Variants in SPATA18 observed in about 807,000 individuals in gnomAD.
The protein encoded by SPATA18 is spermatogenesis associated 18.
Under a neutral mutation model 68.1 loss-of-function variants are expected in SPATA18, and 54 were observed. The ratio of observed to expected loss-of-function variants is 0.79; its 90% CI spans 0.64 to 0.99. SPATA18 has a LOEUF of 0.99. Among genes scored for constraint, SPATA18 ranks in the 50% least tolerant of loss-of-function variants. SPATA18 has a pLI of 0.00. For missense variants in SPATA18, 724 were observed against 681.1 expected (o/e 1.06, Z -0.70); for synonymous variants, 242 against 244.8 (o/e 0.99, Z 0.11).
intron 1 of SPATA18, among the ~76,000 whole-genome samples, chr4:52,058,868 C>T (rs189290857): frequency 6.6e-5 from 10 of 152,330 alleles, no homozygotes; most frequent in Admixed American, 5.9e-4. Context: ...CTTAACCTCT[C>T]TGTGCCTCAG....
chr4:52,063,007 T>A (rs746688920), intron 4 of SPATA18, among the ~76,000 whole-genome samples: 11 of 152,198 alleles, frequency 7.2e-5, no homozygotes, highest in Non-Finnish European at 1.3e-4. Context: ...AAATTGTATG[T>A]GGACTTTGGG....
intron 4 of SPATA18, among the ~76,000 whole-genome samples, chr4:52,065,439 C>A (rs1578160328): frequency 6.6e-6 from 1 of 152,194 alleles, no homozygotes; most frequent in South Asian, 2.1e-4. Flanking sequence ...AGATATAAGT[C>A]TTTGATCCAT....
At position 52,094,923 on chromosome 4, in the gene SPATA18, A is replaced by G; in HGVS notation, c.*36A>G. The G allele has an allele frequency of 1.9e-6, 3 of 1,613,920 alleles. No homozygotes were observed. The highest frequency in any genetic ancestry group is 2.5e-6 in the Non-Finnish European group (3 of 1,179,820). ...CCTGCTCCTTTGACCCAGTGCGTGG[A>G]AACAGCTGCTTTCTCCAGTGCCGCC... On this transcript the variant is annotated 3_prime_UTR_variant, in exon 13 of 13. Transcript: ENST00000295213.
chr4:52,058,236 C>G (rs1738520272), intron 1 of SPATA18, among the ~76,000 whole-genome samples: 1 of 152,134 alleles, frequency 6.6e-6, no homozygotes, highest in Admixed American at 6.5e-5. Flanking sequence ...TGCTAGGATA[C>G]TAGTGGCAAT....
intron 11 of SPATA18, among the ~76,000 whole-genome samples, chr4:52,089,877 G>T (rs1171574914): frequency 6.6e-6 from 1 of 152,182 alleles, no homozygotes; most frequent in Non-Finnish European, 1.5e-5. Context: ...AATATTGACA[G>T]TGGGGTGTTA....
At chr4:52,086,110 G>A (rs1209434341) in intron 11 of SPATA18, among the ~76,000 whole-genome samples, 4 of 152,122 alleles carry the variant, frequency 2.6e-5, no homozygotes, top group African/African-American at 9.7e-5. Context: ...TAGAGAGAGT[G>A]GTAGAGAAGG....
chr4:52,095,831 G>A lies in SPATA18; in HGVS notation c.*944G>A, dbSNP rs1742372621. 6.6e-6 allele frequency: 1 copy of A among 152,128 alleles called. No individual in the cohort carries two copies. Among genetic ancestry groups the A allele is most frequent in the Admixed American group, 6.6e-5 (1 of 15,256 alleles). 9.4% of individuals were successfully genotyped at this position (152,128 alleles called of 1,614,324 possible). A position where few individuals can be genotyped will look rare whatever the true frequency, so the allele number is the denominator to read the frequency against. On this transcript the variant is annotated 3_prime_UTR_variant, in exon 13 of 13. Transcript: ENST00000295213. ...GGGCACCATTTACTGATTTTAAATT[G>A]AGTATATATCCCTTGACTTCTTCAC... is the stretch of plus-strand genomic sequence containing the variant.
At chr4:52,093,780 GC>G (rs1360619174) in intron 11 of SPATA18, among the ~76,000 whole-genome samples, 1 of 152,100 alleles carries the variant, frequency 6.6e-6, no homozygotes, top group Non-Finnish European at 1.5e-5. Flanking sequence ...CTCATGTTGT[GC>G]TCAGAAAGAA....
At chr4:52,062,932 AAC>A (rs1739003905) in intron 4 of SPATA18, among the ~76,000 whole-genome samples, 2 of 152,228 alleles carry the variant, frequency 1.3e-5, no homozygotes, top group African/African-American at 4.8e-5. Context: ...TCCAGGCAAC[AAC>A]ACATATCAGA....
chr4:52,078,761 A>G lies in SPATA18; in HGVS notation c.1047A>G (p.Ala349=), dbSNP rs1740636325. ...AGGCATTCCATGTAGCAAAAATGGC[A>G]TTCAGACACTTCAAGATCCATGTGA... ...TVEAFHVAKM[A]FRHFKIHVRK... is the part of the protein sequence containing the mutation. Residue 349 remains alanine, a synonymous_variant, in exon 8 of 13, where the codon GCA becomes GCG. Transcript: ENST00000295213. 1 of 1,591,460 alleles carries G rather than the reference A, an allele frequency of 6.3e-7. No individual in the cohort carries two copies. The highest frequency in any genetic ancestry group is 8.6e-7 in the Non-Finnish European group (1 of 1,162,054).
At chr4:52,078,055 C>G (rs1483810587) in intron 7 of SPATA18, among the ~76,000 whole-genome samples, 2 of 151,238 alleles carry the variant, frequency 1.3e-5, no homozygotes, top group Non-Finnish European at 2.9e-5. Flanking sequence ...AAGAGAAATA[C>G]TACTGTCTGA....
chr4:52,066,968 G>T (rs1470690714), intron 4 of SPATA18, among the ~76,000 whole-genome samples: 1 of 152,104 alleles, frequency 6.6e-6, no homozygotes, highest in East Asian at 1.9e-4. Flanking sequence ...AAACATACAT[G>T]TGCATGTATC....
rs951682782 is a variant in SPATA18, at chr4:52,076,651, C to T, written c.759-128C>T. ...GAGTCAGATAATAGGGAAGTCTAAT[C>T]ACTTCTGAATTCCTCAGATAAGGAG... On this transcript the variant is annotated intron_variant, in intron 6 of 12. Transcript: ENST00000295213. 4.0e-6 allele frequency: 5 copies of T among 1,238,836 alleles called. No individual in the cohort carries two copies. In the African/African-American group the frequency reaches 6.0e-5, roughly 15 times the overall value. 76.7% of individuals were successfully genotyped at this position (1,238,836 alleles called of 1,614,324 possible).
rs753163237 is a variant in SPATA18 at position 52,072,108 on chromosome 4, A to G, written c.710A>G (p.Lys237Arg). 1.2e-6 allele frequency: 2 copies of G among 1,614,100 alleles called. No homozygotes were observed. The highest frequency in any genetic ancestry group is 1.7e-5 in the Admixed American group (1 of 60,020). Residue 237 changes from lysine to arginine, a missense_variant, in exon 6 of 13, where the codon AAG becomes AGG. Physicochemically the swap from Lys to Arg is conservative, Grantham distance 26. Coordinates refer to ENST00000295213, the MANE Select transcript of SPATA18 (RefSeq NM_145263.4). ...TATAAGAAACAGCTCCGAAACCTGA[A>G]GGAGGAGATAGCTGTTCTGTCTGCT... ...SDYKKQLRNLKEEIAVLSAEK... is the reference protein window; with the variant it reads ...SDYKKQLRNLREEIAVLSAEK...
Position 52,051,425 on chromosome 4 carries a change from C to A in SPATA18, c.-280C>A. On this transcript the variant is annotated 5_prime_UTR_variant, in exon 1 of 13. Transcript: ENST00000295213. Reference sequence around the variant, plus strand: ...ACGTCAAGGTTTGTTTAATAATCGCCAGGGTATCTATGGCCGGGCTCAGGC... The same window carrying A: ...ACGTCAAGGTTTGTTTAATAATCGCAAGGGTATCTATGGCCGGGCTCAGGC... 1 of 459,946 alleles carries A rather than the reference C, an allele frequency of 2.2e-6. No homozygotes were observed. Among genetic ancestry groups the A allele is most frequent in the Non-Finnish European group, 3.9e-6 (1 of 257,190 alleles). 28.5% of individuals were successfully genotyped at this position (459,946 alleles called of 1,614,324 possible).
chr4:52,088,178 C>T (rs571584447), intron 11 of SPATA18, among the ~76,000 whole-genome samples: 5 of 152,222 alleles, frequency 3.3e-5, no homozygotes, highest in African/African-American at 7.2e-5. Flanking sequence ...TGGGCTGAGA[C>T]GATGCGGTTT....
intron 11 of SPATA18, among the ~76,000 whole-genome samples, chr4:52,090,224 C>T (rs937281840): frequency 2.0e-5 from 3 of 152,246 alleles, no homozygotes; most frequent in African/African-American, 7.2e-5. Context: ...TGGGTCTTGA[C>T]TCTTTATCCA....
intron 4 of SPATA18, among the ~76,000 whole-genome samples, chr4:52,067,077 C>T (rs1401802642): frequency 6.6e-6 from 1 of 152,196 alleles, no homozygotes; most frequent in East Asian, 1.9e-4. Context: ...AATCACCACA[C>T]TGTGTTTCAC....
chr4:52,082,659 G>T (rs775275915), intron 10 of SPATA18, 149 bp downstream of exon 10: 32 of 1,522,030 alleles, frequency 2.1e-5, no homozygotes, highest in Middle Eastern at 1.8e-4. Flanking sequence ...ATCTCAAGAA[G>T]AACTGATTCT....
Sources: allele counts gnomAD v4.1 joint callset (sites outside exome capture counted in the v4.1 genomes callset), GRCh38; gene constraint gnomAD v4.1.1; transcripts MANE v1.5; gene names NCBI Gene and HGNC (gene_info 2026-07-23, HGNC 2026-07-21).